PKD1: variants seen among roughly 807,000 people sequenced by gnomAD.
PKD1 encodes the protein polycystin 1, transient receptor potential channel interacting.
Under a neutral mutation model 361.7 loss-of-function variants are expected in PKD1, and 81 were observed. The observed-to-expected ratio is 0.22, with a 90% confidence interval of 0.19 to 0.27. The LOEUF (loss-of-function observed/expected upper bound fraction) is 0.27. PKD1 is among the 10% of genes least tolerant of loss of function. PKD1 has a pLI of 1.00. For synonymous variants in PKD1, 3,615 were observed against 2,818.3 expected (o/e 1.28, Z -8.95); for missense variants, 6,399 against 6,118.3 (o/e 1.05, Z -1.53).
chr16:2,114,769 G>T lies in PKD1; in HGVS notation c.2254C>A (p.Pro752Thr). Residue 752 changes from proline (P) to threonine (T), a missense_variant, in exon 11 of 46, where the codon CCC becomes ACC. Physicochemically the swap from Pro to Thr is conservative, Grantham distance 38. Transcript: ENST00000262304. The part of the protein sequence containing the change: ...YLSANASSWL[P>T]HLPAQLEGTW... ...CCCTCCAGCTGGGCTGGCAAGTGGG[G>T]CAGCCATGACGAGGCGTTGGCGGAG... The T allele has an allele frequency of 7.1e-7, 1 of 1,405,024 alleles. No homozygotes were observed. The highest frequency in any genetic ancestry group is 9.7e-7 in the Non-Finnish European group (1 of 1,029,852). The allele number at this position is 1,405,024 out of a possible 1,614,324, so 87.0% of individuals were successfully genotyped here. A position where few individuals can be genotyped will look rare whatever the true frequency, so the allele number is the denominator to read the frequency against.
rs746316553 is a variant in PKD1 at position 2,091,569 on chromosome 16, G to A, written c.11566C>T (p.Arg3856Cys). The change falls in exon 42 of 46, where the codon CGC becomes TGC. Residue 3856 changes from arginine to cysteine, a missense_variant. Coordinates refer to ENST00000262304, the MANE Select transcript of PKD1 (RefSeq NM_001009944.3). ...RSRAVFLELTRYSPAVGLHAA... is the reference protein window; with the variant it reads ...RSRAVFLELTCYSPAVGLHAA... ...TGCAGCCCCACGGCCGGGCTGTAGC[G>A]CGTGAGCTCCAGGAACACAGCGCGG... The A allele has an allele frequency of 1.4e-5, 21 of 1,547,640 alleles. No individual in the cohort carries two copies. The East Asian group carries it at 2.3e-4, about 17-fold the overall frequency.
At position 2,105,975 on chromosome 16, in the gene PKD1, T is replaced by A. The variant is rs1596539247; in HGVS notation, c.7753A>T (p.Thr2585Ser). ...PEPNGSATGL[T>S]VWLHGLTASV... ...GCGGTGAGCCCGTGCAGCCAGACTG[T>A]GAGCCCCGTTGCGCTGCCGTTGGGC... The change falls in exon 20 of 46, where the codon ACA (threonine) becomes TCA (serine). Residue 2585 changes from threonine to serine, a missense_variant. Transcript: ENST00000262304. 1 of 1,601,744 alleles carries A rather than the reference T, an allele frequency of 6.2e-7. No homozygotes were observed. The highest frequency in any genetic ancestry group is 8.5e-7 in the Non-Finnish European group (1 of 1,179,610).
At position 2,090,844 on chromosome 16, in the gene PKD1, G is replaced by C. The variant is rs376170375; in HGVS notation, c.12004-36C>G. ...GAAATCTGTCTGCTTGCAGCCCTGG[G>C]GTGTGCGCCCAGCCCCGCGCCCACC... is the stretch of plus-strand genomic sequence containing the variant. On this transcript the variant is annotated intron_variant, in intron 43 of 45. Transcript: ENST00000262304. The C allele has an allele frequency of 1.2e-5, 19 of 1,610,380 alleles. No individual in the cohort carries two copies. The highest frequency in any genetic ancestry group is 1.4e-5 in the Non-Finnish European group (17 of 1,179,878).
intron 36 of PKD1, 30 bp downstream of exon 36, chr16:2,093,781 C>T (rs1249895074): frequency 1.3e-6 from 2 of 1,557,770 alleles, no homozygotes. Context: ...GTGATGGAGG[C>T]CTGTAGCCTA....
In PKD1 at chr16:2,116,064, C is replaced by T. The variant is rs1416533206; in HGVS notation, c.1777G>A (p.Glu593Lys). 2 of 1,499,724 alleles carry T rather than the reference C, an allele frequency of 1.3e-6. No homozygotes were observed. Among genetic ancestry groups the T allele is most frequent in the Admixed American group, 2.0e-5 (1 of 50,002 alleles). The allele number at this position is 1,499,724 out of a possible 1,614,324, so 92.9% of individuals were successfully genotyped here. A position where few individuals can be genotyped will look rare whatever the true frequency, so the allele number is the denominator to read the frequency against. Residue 593 changes from glutamate (E) to lysine (K), a missense_variant, in exon 9 of 46, where the codon GAA becomes AAA. Physicochemically the swap from Glu to Lys is moderately conservative, Grantham distance 56. Transcript: ENST00000262304. ...CGCCGGAGCTCCTGGGTCCCAAATT[C>T]GGCCGTGGTGAGGAAGGCTTCACGG... ...LSREAFLTTA[E>K]FGTQELRRPA...
intron 1 of PKD1, chr16:2,131,952 G>A (rs374640246): frequency 6.6e-6 from 1 of 151,740 alleles, no homozygotes. Flanking sequence ...CAGCCTTAAA[G>A]ACACACATAT....
intron 34 of PKD1, 138 bp from the exon 35 acceptor site, chr16:2,094,348 C>T (rs2091751273): frequency 1.5e-6 from 1 of 689,510 alleles, no homozygotes; most frequent in Non-Finnish European, 2.6e-6. Context: ...GAAGACCCTA[C>T]CCCAAACGAG....
At position 2,092,546 on chromosome 16, in the gene PKD1, C is replaced by G; in HGVS notation, c.11203G>C (p.Val3735Leu). The change falls in exon 39 of 46, where the codon GTC (valine) becomes CTC (leucine). Residue 3735 changes from valine to leucine, a missense_variant. Physicochemically the swap from Val to Leu is conservative, Grantham distance 32. Transcript: ENST00000262304. Reference sequence around the variant, plus strand: ...TCTGGGCTGGACTGGTTCCCGTGGACGTAGGGCAGCAGCACGTGGGCCATC... The same window carrying G: ...TCTGGGCTGGACTGGTTCCCGTGGAGGTAGGGCAGCAGCACGTGGGCCATC... The part of the protein sequence containing the change: ...PWMAHVLLPY[V>L]HGNQSSPELG... The G allele has an allele frequency of 1.2e-6, 2 of 1,612,642 alleles. No homozygotes were observed. Among genetic ancestry groups the G allele is most frequent in the Non-Finnish European group, 1.7e-6 (2 of 1,179,840 alleles).
rs569161422 is a variant in PKD1 at position 2,108,390 on chromosome 16, G to A, written c.6777C>T (p.Ile2259=). Residue 2259 remains isoleucine, a synonymous_variant, in exon 15 of 46, where the codon ATC becomes ATT. Coordinates refer to ENST00000262304, the MANE Select transcript of PKD1 (RefSeq NM_001009944.3). ...ACACGCGGTATGAGCCACCCTCAAT[G>A]ATGGGCACCAGGCGCTCGGGGGCCA... ...VTVAPERLVP[I]IEGGSYRVWS... 5 of 1,610,606 alleles carry A rather than the reference G, an allele frequency of 3.1e-6. No individual in the cohort carries two copies. The South Asian group carries it at 3.3e-5, about 11-fold the overall frequency.
At chr16:2,115,927 G>T (rs1163876193) in intron 9 of PKD1, 65 bp downstream of exon 9, 7 of 1,521,840 alleles carry the variant, frequency 4.6e-6, no homozygotes, top group African/African-American at 1.4e-5. Context: ...AGACGTGAAA[G>T]CTCAGAGAGG....
chr16:2,107,823 T>G (rs2092397428), intron 16 of PKD1, 60 bp downstream of exon 16: 1 of 1,498,014 alleles, frequency 6.7e-7, no homozygotes. Context: ...CGGAAAACAG[T>G]AGATGACCAG....
chr16:2,094,522 G>GC (rs1485851484), intron 34 of PKD1, among the ~76,000 whole-genome samples: 1 of 152,178 alleles, frequency 6.6e-6, no homozygotes, highest in Non-Finnish European at 1.5e-5. Flanking sequence ...GGTGCAATGA[G>GC]CCCCCCTTCA....
At chr16:2,121,301 G>A (rs191472018) in intron 1 of PKD1, among the ~76,000 whole-genome samples, 12 of 152,034 alleles carry the variant, frequency 7.9e-5, no homozygotes, top group African/African-American at 2.9e-4. Context: ...CGAGGCAGAG[G>A]TTGCAGTGAG....
At chr16:2,132,973 C>T (rs2151853539) in intron 1 of PKD1, 1 of 149,570 alleles carries the variant, frequency 6.7e-6, no homozygotes, top group East Asian at 2.0e-4. Context: ...CCCAGCTACT[C>T]GGGAGGCTGA....
rs754015180 is a variant in PKD1 at position 2,091,177 on chromosome 16, G to A, written c.11713-3C>T. Reference sequence around the variant, plus strand: ...ACGGCGAACAGCAGCAGGCACACCTGTGGGGGGCGCGGTCAGGAGGGCGGG... The same window carrying A: ...ACGGCGAACAGCAGCAGGCACACCTATGGGGGGCGCGGTCAGGAGGGCGGG... On this transcript the variant is annotated splice_polypyrimidine_tract_variant and splice_region_variant and intron_variant, in intron 42 of 45. Transcript: ENST00000262304. 1.0e-4 allele frequency: 149 copies of A among 1,420,784 alleles called. 1 individual carries two copies. The East Asian group carries it at 4.2e-3, about 40-fold the overall frequency. The allele number at this position is 1,420,784 out of a possible 1,614,324, so 88.0% of individuals were successfully genotyped here. A position where few individuals can be genotyped will look rare whatever the true frequency, so the allele number is the denominator to read the frequency against.
At chr16:2,112,605 C>T in intron 13 of PKD1, 132 bp from the exon 14 acceptor site, 3 of 983,530 alleles carry the variant, frequency 3.1e-6, no homozygotes, top group East Asian at 5.2e-5. Flanking sequence ...GCCCACCCGG[C>T]TGTGCTGAGG....
chr16:2,093,277 G>GTGTGTCTGCCCCCA, intron 37 of PKD1, 184 bp from the exon 38 acceptor site: 1 of 744,110 alleles, frequency 1.3e-6, no homozygotes, highest in Non-Finnish European at 2.2e-6. Flanking sequence ...AACCCCACCT[G>GTGTGTCTGCCCCCA]GGGGCAGACA....
Position 2,116,544 on chromosome 16 carries a change from CG to C in PKD1, c.1706del (p.Pro569ArgfsTer15). The C allele has an allele frequency of 6.5e-7, 1 of 1,545,898 alleles. No individual in the cohort carries two copies. On this transcript the variant is annotated frameshift_variant, in exon 8 of 46. Transcript: ENST00000262304. LOFTEE classifies it high-confidence loss of function. ...GGCCGACTACCTCCACGGGCTCGTG[CG>C]GGGCTGAGAGGCCGTCCTGCTGTGC... is the stretch of plus-strand genomic sequence containing the variant. ...PLAQQDGLSA[P>X]HEPVEVMVFP...
chr16:2,122,087 G>A (rs1374127858), intron 1 of PKD1, among the ~76,000 whole-genome samples: 3 of 152,238 alleles, frequency 2.0e-5, no homozygotes, highest in Admixed American at 6.5e-5. Flanking sequence ...CTTGAGAAGG[G>A]AACCAACAAA....
Sources: gnomAD v4.1 joint callset for allele counts (sites outside exome capture counted in the v4.1 genomes callset) on GRCh38, gnomAD v4.1.1 for gene constraint, MANE v1.5 for transcripts, NCBI Gene and HGNC (gene_info 2026-07-23, HGNC 2026-07-21) for gene names.